Variants in PHGDH observed in about 807,000 individuals in gnomAD.
PHGDH encodes D-3-phosphoglycerate dehydrogenase.
A neutral mutation model predicts 52.6 loss-of-function variants in PHGDH; 50 were observed. The observed-to-expected ratio is 0.95, with a 90% CI of 0.76 to 1.20. The LOEUF (loss-of-function observed/expected upper bound fraction) is 1.20, where lower values mean the gene tolerates loss of function less well. Ranked by LOEUF, PHGDH falls within the 50% of genes most tolerant of loss-of-function variation. PHGDH has a pLI of 0.00. For synonymous variants in PHGDH, 271 were observed against 280.5 expected, an observed-to-expected ratio of 0.97 and a Z score of 0.34; for missense variants, 630 against 684.6, an observed-to-expected ratio of 0.92 and a Z score of 0.89.
intron 5 of PHGDH, among the ~76,000 whole-genome samples, chr1:119,732,258 C>T (rs1651727107): frequency 1.3e-5 from 2 of 152,220 alleles, no homozygotes; most frequent in African/African-American, 2.4e-5. Flanking sequence ...TCTGTGACCT[C>T]AGGCAGGTAG....
intron 3 of PHGDH, chr1:119,725,019 A>G: frequency 1.3e-5 from 6 of 456,594 alleles, no homozygotes; most frequent in South Asian, 9.3e-5. Flanking sequence ...GGTGGAGAGC[A>G]GGCGTGGCTG....
chr1:119,721,197 G>A lies in PHGDH; in HGVS notation c.166G>A (p.Ala56Thr), dbSNP rs748157268. 1.9e-6 allele frequency: 3 copies of A among 1,614,160 alleles called. No homozygotes were observed. The South Asian group carries it at 3.3e-5, about 18-fold the overall frequency. ...CTGTGAAGGCCTTATTGTTCGCTCTGCCACCAAGGTGACCGCTGATGTCAT... is the reference window on the plus strand; with the variant it reads ...CTGTGAAGGCCTTATTGTTCGCTCTACCACCAAGGTGACCGCTGATGTCAT... ...QDCEGLIVRSATKVTADVINA... is the reference protein window; with the variant it reads ...QDCEGLIVRSTTKVTADVINA... Residue 56 changes from alanine (A) to threonine (T), a missense_variant, in exon 2 of 12, where the codon GCC becomes ACC. Coordinates refer to ENST00000641023, the MANE Select transcript of PHGDH (RefSeq NM_006623.4).
At chr1:119,740,608 G>A (rs1652155117) in intron 9 of PHGDH, 90 bp downstream of exon 9, 2 of 1,180,578 alleles carry the variant, frequency 1.7e-6, no homozygotes, top group African/African-American at 1.5e-5. Context: ...CAGGACACAG[G>A]GTTAGTGAGA....
At chr1:119,715,498 A>G (rs1570984785) in intron 1 of PHGDH, among the ~76,000 whole-genome samples, 1 of 152,316 alleles carries the variant, frequency 6.6e-6, no homozygotes, top group South Asian at 2.1e-4. Flanking sequence ...CCTTCCCTAT[A>G]GCTGGGGAAC....
At chr1:119,734,607 T>C (rs780150269) in intron 5 of PHGDH, 27 bp from the exon 6 acceptor site, 1 of 1,610,714 alleles carries the variant, frequency 6.2e-7, no homozygotes, top group Admixed American at 1.7e-5. Flanking sequence ...GAATGACACT[T>C]CCTCCCTCTC....
At chr1:119,712,245 C>A in intron 1 of PHGDH, 85 bp downstream of exon 1, 1 of 1,214,710 alleles carries the variant, frequency 8.2e-7, no homozygotes, top group Non-Finnish European at 1.2e-6. Flanking sequence ...GCGCCCCCCT[C>A]GCATGCACCC....
rs141701931 is a variant in PHGDH at position 119,727,318 on chromosome 1, C to T, written c.510+216C>T. The T allele has an allele frequency of 8.4e-4, 496 of 590,034 alleles. 1 individual carries two copies. Among genetic ancestry groups the T allele is most frequent in the African/African-American group, 8.2e-3 (444 of 54,010 alleles). 36.5% of individuals were successfully genotyped at this position (590,034 alleles called of 1,614,324 possible). A position where few individuals can be genotyped will look rare whatever the true frequency, so the allele number is the denominator to read the frequency against. ...AATACTTGGTGGGGGTCCTTTAGCT[C>T]TCTGGTGAGTGAATAGCCCTGAGTC... On this transcript the variant is annotated intron_variant, in intron 5 of 11. Coordinates refer to ENST00000641023, the MANE Select transcript of PHGDH (RefSeq NM_006623.4).
At chr1:119,717,232 C>CAAAAAA (rs58549149) in intron 1 of PHGDH, among the ~76,000 whole-genome samples, 3,962 of 37,308 alleles carry the variant, frequency 0.11, 1,129 homozygotes, top group East Asian at 0.25. Context: ...AACTCTGTCT[C>CAAAAAA]AAAAAAAAAA....
chr1:119,737,050 G>C, intron 7 of PHGDH, 64 bp from the exon 8 acceptor site: 9 of 1,549,824 alleles, frequency 5.8e-6, no homozygotes, highest in Non-Finnish European at 8.0e-6. Context: ...CTGTTGCCTG[G>C]GGTGGCCCAA....
At position 119,740,371 on chromosome 1, in the gene PHGDH, C is replaced by T. The variant is rs780240496; in HGVS notation, c.946-15C>T. On this transcript the variant is annotated splice_polypyrimidine_tract_variant and intron_variant, in intron 8 of 11. Coordinates refer to ENST00000641023, the MANE Select transcript of PHGDH (RefSeq NM_006623.4). ...CCTCTTCCTGACCACAGCCCCGCTC[C>T]TCCATCCTCTGCAGGTGAATGCCCA... The T allele has an allele frequency of 6.2e-7, 1 of 1,614,116 alleles. No individual in the cohort carries two copies. The highest frequency in any genetic ancestry group is 1.7e-5 in the Admixed American group (1 of 60,024).
At chr1:119,723,498 T>C in intron 3 of PHGDH, 57 bp downstream of exon 3, 1 of 1,351,600 alleles carries the variant, frequency 7.4e-7, no homozygotes, top group South Asian at 1.2e-5. Flanking sequence ...TTATTACCAC[T>C]TGCCAAGCAA....
At chr1:119,740,717 G>A (rs1652165163) in intron 9 of PHGDH, among the ~76,000 whole-genome samples, 199 bp downstream of exon 9, 2 of 152,182 alleles carry the variant, frequency 1.3e-5, no homozygotes, top group African/African-American at 4.8e-5. Context: ...TTGGAAAGAT[G>A]TACTGAATAT....
chr1:119,723,266 C>A, intron 2 of PHGDH, 110 bp from the exon 3 acceptor site: 1 of 884,026 alleles, frequency 1.1e-6, no homozygotes, highest in South Asian at 1.3e-5. Context: ...GTGGTCAGTT[C>A]ATGGAGCAGG....
intron 2 of PHGDH, 100 bp from the exon 3 acceptor site, chr1:119,723,276 G>C: frequency 2.2e-6 from 2 of 922,932 alleles, no homozygotes; most frequent in South Asian, 1.3e-5. Flanking sequence ...CATGGAGCAG[G>C]AGTGAGAGAA....
At position 119,712,009 on chromosome 1, in the gene PHGDH, G is replaced by A. The variant is rs1441984668; in HGVS notation, c.-14G>A. The A allele has an allele frequency of 6.2e-7, 1 of 1,613,860 alleles. No homozygotes were observed. Among genetic ancestry groups the A allele is most frequent in the Non-Finnish European group, 8.5e-7 (1 of 1,179,988 alleles). ...TTCTACTCACAGCGGCCGATTCCGAGGCCAACTCCAGCAATGGCTTTTGCA... is the reference window on the plus strand; with the variant it reads ...TTCTACTCACAGCGGCCGATTCCGAAGCCAACTCCAGCAATGGCTTTTGCA... On this transcript the variant is annotated 5_prime_UTR_variant, in exon 1 of 12. Coordinates refer to ENST00000641023, the MANE Select transcript of PHGDH (RefSeq NM_006623.4).
At chr1:119,737,932 G>A (rs1388572118) in intron 8 of PHGDH, among the ~76,000 whole-genome samples, 3 of 152,202 alleles carry the variant, frequency 2.0e-5, no homozygotes, top group African/African-American at 7.2e-5. Context: ...TGGGAGACAC[G>A]GGTGCATGAG....
Position 119,735,384 on chromosome 1 carries a change from C to T in PHGDH, c.733C>T (p.Leu245=). 6.2e-7 allele frequency: 1 copy of T among 1,614,184 alleles called. No homozygotes were observed. The highest frequency in any genetic ancestry group is 8.5e-7 in the Non-Finnish European group (1 of 1,180,048). ...TGGAGGGATCGTGGACGAAGGCGCC[C>T]TGCTCCGGGCCCTGCAGTCTGGCCA... The part of the protein sequence containing the change: ...ARGGIVDEGA[L]LRALQSGQCA... The change falls in exon 7 of 12, where the codon CTG becomes TTG. Residue 245 remains leucine, a synonymous_variant. Coordinates refer to ENST00000641023, the MANE Select transcript of PHGDH (RefSeq NM_006623.4).
chr1:119,712,929 GT>G (rs1650764307), intron 1 of PHGDH: 1 of 152,956 alleles, frequency 6.5e-6, no homozygotes, highest in Non-Finnish European at 1.5e-5. Context: ...CTGGTTGGGA[GT>G]GACCAGACTC....
At chr1:119,732,824 G>C (rs1314752421) in intron 5 of PHGDH, among the ~76,000 whole-genome samples, 2 of 152,184 alleles carry the variant, frequency 1.3e-5, no homozygotes, top group Non-Finnish European at 2.9e-5. Context: ...CCTTCCTCCT[G>C]CCAGCCCCCA....
Sources: allele counts gnomAD v4.1 joint callset (sites outside exome capture counted in the v4.1 genomes callset), GRCh38; gene constraint gnomAD v4.1.1; transcripts MANE v1.5; gene names NCBI Gene and HGNC (gene_info 2026-07-23, HGNC 2026-07-21).